The following RALGAPA2 variants were observed in gnomAD, a reference collection of about 807,000 sequenced individuals.
RALGAPA2 encodes ral GTPase-activating protein subunit alpha-2.
Under a neutral mutation model 230.4 loss-of-function variants are expected in RALGAPA2, and 139 were observed. The observed-to-expected ratio is 0.60, with a 90% CI of 0.53 to 0.69. RALGAPA2 has a LOEUF of 0.69. Ranked by LOEUF, RALGAPA2 falls within the 30% of genes least tolerant of loss-of-function variation. The pLI, the probability that RALGAPA2 is intolerant of heterozygous loss-of-function variation, is 0.00. For missense variants in RALGAPA2, 2,163 were observed against 2,276.0 expected (o/e 0.95, Z 1.01); for synonymous variants, 847 against 837.8 (o/e 1.01, Z -0.19).
At chr20:20,552,216 ATGATGG>A (rs1435036867) in intron 23 of RALGAPA2, among the ~76,000 whole-genome samples, 1 of 152,192 alleles carries the variant, frequency 6.6e-6, no homozygotes, top group East Asian at 1.9e-4. Flanking sequence ...GGCCCAGCAG[ATGATGG>A]TTGTAACACA....
chr20:20,393,378 C>T, intron 39 of RALGAPA2, 125 bp from the exon 40 acceptor site: 1 of 610,292 alleles, frequency 1.6e-6, no homozygotes, highest in South Asian at 2.3e-5. Flanking sequence ...CTGGTGACCT[C>T]CTCCCACGCT....
chr20:20,604,357 C>G (rs2065752357), intron 15 of RALGAPA2, among the ~76,000 whole-genome samples: 1 of 152,198 alleles, frequency 6.6e-6, no homozygotes, highest in South Asian at 2.1e-4. Context: ...GAAAACATAA[C>G]TTTCATTTGA....
chr20:20,701,580 T>C (rs2069365226), intron 1 of RALGAPA2, among the ~76,000 whole-genome samples: 1 of 151,614 alleles, frequency 6.6e-6, no homozygotes, highest in Non-Finnish European at 1.5e-5. Context: ...CTACTAGTAA[T>C]ACAAAAAAAT....
intron 9 of RALGAPA2, among the ~76,000 whole-genome samples, chr20:20,633,833 C>G (rs1275977066): frequency 6.6e-6 from 1 of 152,128 alleles, no homozygotes; most frequent in African/African-American, 2.4e-5. Context: ...CTGACATTTG[C>G]TTCAGTATGT....
At chr20:20,634,730 T>C (rs2066799382) in intron 9 of RALGAPA2, among the ~76,000 whole-genome samples, 2 of 152,186 alleles carry the variant, frequency 1.3e-5, no homozygotes, top group South Asian at 4.1e-4. Context: ...CACAACACCA[T>C]GATCCCTTAG....
intron 28 of RALGAPA2, among the ~76,000 whole-genome samples, chr20:20,525,958 C>G (rs749155827): frequency 1.3e-4 from 20 of 152,142 alleles, no homozygotes; most frequent in Non-Finnish European, 2.6e-4. Flanking sequence ...TGGCACCATC[C>G]AAATTGCTCT....
At chr20:20,572,830 A>C (rs1330579059) in intron 21 of RALGAPA2, 45 bp downstream of exon 21, 2 of 1,386,460 alleles carry the variant, frequency 1.4e-6, no homozygotes. Flanking sequence ...AAATGATAAG[A>C]CCATTTTCCT....
In RALGAPA2 at chr20:20,546,804, C is replaced by T. The variant is rs1201797788; in HGVS notation, c.3185G>A (p.Cys1062Tyr). 6.2e-7 allele frequency: 1 copy of T among 1,607,424 alleles called. No individual in the cohort carries two copies. The stretch of plus-strand genomic sequence containing the variant: ...ACCCAGGGAGAAAAAGCGGGGTGGA[C>T]AGTGCCTTATGATCGTATTTAAGAT... ...QDILNTIIRH[C>Y]PPRFFSLGFP... The change falls in exon 24 of 40, where the codon TGT (cysteine) becomes TAT (tyrosine). Residue 1062 changes from cysteine (C) to tyrosine (Y), a missense_variant. Coordinates refer to ENST00000202677, the MANE Select transcript of RALGAPA2 (RefSeq NM_020343.4).
chr20:20,561,869 C>T (rs906178970), intron 23 of RALGAPA2, among the ~76,000 whole-genome samples: 1 of 152,186 alleles, frequency 6.6e-6, no homozygotes, highest in African/African-American at 2.4e-5. Flanking sequence ...TGTTGTGTTT[C>T]TGTGCACTAC....
intron 14 of RALGAPA2, among the ~76,000 whole-genome samples, chr20:20,606,645 C>G (rs1458874080): frequency 1.3e-5 from 2 of 152,100 alleles, no homozygotes; most frequent in African/African-American, 4.8e-5. Context: ...CCCACCACCA[C>G]CTCCCAGCCT....
At chr20:20,602,876 G>T (rs1374187316) in intron 15 of RALGAPA2, among the ~76,000 whole-genome samples, 1 of 151,790 alleles carries the variant, frequency 6.6e-6, no homozygotes, top group Non-Finnish European at 1.5e-5. Context: ...CTCGTGCATG[G>T]ATTACAACAA....
intron 1 of RALGAPA2, among the ~76,000 whole-genome samples, chr20:20,702,496 T>C (rs1439992860): frequency 6.6e-6 from 1 of 152,118 alleles, no homozygotes; most frequent in Non-Finnish European, 1.5e-5. Context: ...CTTAGGCCAA[T>C]AGGAAGTCCT....
At chr20:20,551,783 C>T (rs546594291) in intron 23 of RALGAPA2, among the ~76,000 whole-genome samples, 16 of 152,308 alleles carry the variant, frequency 1.1e-4, no homozygotes, top group Non-Finnish European at 1.3e-4. Flanking sequence ...TTGTTTCTTT[C>T]GTTCCCTTAT....
intron 3 of RALGAPA2, among the ~76,000 whole-genome samples, chr20:20,668,883 T>G (rs147179597): frequency 6.6e-6 from 1 of 152,042 alleles, no homozygotes; most frequent in Non-Finnish European, 1.5e-5. Flanking sequence ...AACCACAAAA[T>G]ATGAAGAAGA....
chr20:20,672,200 A>G (rs1184443799), intron 3 of RALGAPA2, among the ~76,000 whole-genome samples: 2 of 152,168 alleles, frequency 1.3e-5, no homozygotes, highest in African/African-American at 4.8e-5. Flanking sequence ...CTCCCGGCAA[A>G]AGCAAAGACA....
intron 39 of RALGAPA2, among the ~76,000 whole-genome samples, chr20:20,394,709 T>C (rs1401820576): frequency 1.3e-5 from 2 of 151,790 alleles, no homozygotes; most frequent in African/African-American, 4.8e-5. Context: ...AGCTAGACCA[T>C]CATCCACAAG....
intron 16 of RALGAPA2, among the ~76,000 whole-genome samples, chr20:20,592,345 T>C (rs2065317536): frequency 6.6e-6 from 1 of 152,164 alleles, no homozygotes; most frequent in Non-Finnish European, 1.5e-5. Flanking sequence ...GTACTCTAGC[T>C]CACTTTAGTC....
chr20:20,665,973 T>A (rs1959290314), intron 3 of RALGAPA2, among the ~76,000 whole-genome samples: 1 of 152,234 alleles, frequency 6.6e-6, no homozygotes, highest in South Asian at 2.1e-4. Flanking sequence ...CAAGGCAAGA[T>A]CACACTATGC....
chr20:20,635,227 A>G, intron 9 of RALGAPA2, 191 bp downstream of exon 9: 1 of 630,470 alleles, frequency 1.6e-6, no homozygotes, highest in East Asian at 3.0e-5. Context: ...CCAACAATGC[A>G]CAGCAAGTGA....
Sources: gnomAD v4.1 joint callset for allele counts (sites outside exome capture counted in the v4.1 genomes callset) on GRCh38, gnomAD v4.1.1 for gene constraint, MANE v1.5 for transcripts, NCBI Gene and HGNC (gene_info 2026-07-23, HGNC 2026-07-21) for gene names.